The following PCNX2 variants were observed in gnomAD, a reference collection of about 807,000 sequenced individuals.
The protein encoded by PCNX2 is pecanex-like protein 2.
PCNX2 carries 168 observed loss-of-function variants against 223.8 expected under a neutral mutation model. The ratio of observed to expected loss-of-function variants is 0.75; its 90% confidence interval spans 0.66 to 0.85. The LOEUF is 0.85. Ranked by LOEUF, PCNX2 falls within the 40% of genes least tolerant of loss-of-function variation. The pLI is 0.00. For synonymous variants in PCNX2, 1,006 were observed against 1,052.6 expected, an observed-to-expected ratio of 0.96 and a Z score of 0.86; for missense variants, 2,507 against 2,675.5, an observed-to-expected ratio of 0.94 and a Z score of 1.39.
At chr1:233,300,200 T>C (rs1294343), upstream of PCNX2, among the ~76,000 whole-genome samples, 100,310 of 152,016 alleles carry the variant, frequency 0.66, 33,385 homozygotes, top group East Asian at 0.73. Context: ...ATTGAGCCTT[T>C]CCATAATGAA....
At chr1:233,307,737 A>G in the PCNX2 span, among the ~76,000 whole-genome samples, 1 of 152,220 alleles carries the variant, frequency 6.6e-6, no homozygotes, top group Non-Finnish European at 1.5e-5. Flanking sequence ...GGAAGGTGCT[A>G]TAATCATTCC....
intron 9 of PCNX2, among the ~76,000 whole-genome samples, chr1:233,236,297 C>T (rs1658410729): frequency 6.6e-6 from 1 of 151,892 alleles, no homozygotes; most frequent in Non-Finnish European, 1.5e-5. Context: ...GCTCTGCCTC[C>T]CAAGAGTCTC....
Position 232,984,258 on chromosome 1 carries a change from G to A in PCNX2, c.*46C>T. 6.6e-7 allele frequency: 1 copy of A among 1,521,348 alleles called. No individual in the cohort carries two copies. Among genetic ancestry groups the A allele is most frequent in the Non-Finnish European group, 8.8e-7 (1 of 1,133,448 alleles). 94.2% of individuals were successfully genotyped at this position (1,521,348 alleles called of 1,614,324 possible). A position where few individuals can be genotyped will look rare whatever the true frequency, so the allele number is the denominator to read the frequency against. ...GGGAGCACGAGGGAGAGCAATGCAGGTGGGAGGTGTGGGGGAGCCAGCCTC... is the reference window on the plus strand; with the variant it reads ...GGGAGCACGAGGGAGAGCAATGCAGATGGGAGGTGTGGGGGAGCCAGCCTC... On this transcript the variant is annotated 3_prime_UTR_variant, in exon 34 of 34. Coordinates refer to ENST00000258229, the MANE Select transcript of PCNX2 (RefSeq NM_014801.4).
At chr1:233,299,103 T>C (rs1294345), upstream of PCNX2, among the ~76,000 whole-genome samples, 99,617 of 151,336 alleles carry the variant, frequency 0.66, 33,052 homozygotes, top group East Asian at 0.73. Context: ...CTGTCTTCTC[T>C]CTTACTGCAA....
chr1:233,191,272 G>A (rs1019542354), intron 15 of PCNX2, among the ~76,000 whole-genome samples: 11 of 152,146 alleles, frequency 7.2e-5, no homozygotes, highest in African/African-American at 2.7e-4. Flanking sequence ...ACCCAGCAGA[G>A]CTATTGCTGA....
chr1:233,256,141 T>C (rs1659721641), intron 5 of PCNX2, among the ~76,000 whole-genome samples: 1 of 152,160 alleles, frequency 6.6e-6, no homozygotes, highest in Non-Finnish European at 1.5e-5. Flanking sequence ...ACAACCTCAA[T>C]TTCCAGTTTA....
At chr1:233,101,339 C>T (rs1028726744) in intron 21 of PCNX2, among the ~76,000 whole-genome samples, 1 of 152,156 alleles carries the variant, frequency 6.6e-6, no homozygotes, top group African/African-American at 2.4e-5. Context: ...AAGTTGTTAA[C>T]AGAAAATATG....
chr1:233,046,611 A>C (rs1186165537), intron 25 of PCNX2, among the ~76,000 whole-genome samples: 1 of 152,192 alleles, frequency 6.6e-6, no homozygotes, highest in East Asian at 1.9e-4. Flanking sequence ...TATGGTGCCA[A>C]AGTGACCCTT....
intron 25 of PCNX2, chr1:233,033,075 G>T (rs1572031353): frequency 4.1e-6 from 4 of 985,422 alleles, no homozygotes; most frequent in Non-Finnish European, 1.2e-6. Context: ...CGCCCACACA[G>T]TGTGACCTTT....
chr1:233,269,030 G>T (rs1162239983), intron 1 of PCNX2, among the ~76,000 whole-genome samples: 1 of 152,196 alleles, frequency 6.6e-6, no homozygotes, highest in African/African-American at 2.4e-5. Flanking sequence ...TCACTCTGGG[G>T]TCCACAGTGA....
chr1:233,194,742 G>A (rs1431376280), intron 15 of PCNX2, among the ~76,000 whole-genome samples: 2 of 151,928 alleles, frequency 1.3e-5, no homozygotes, highest in African/African-American at 4.8e-5. Flanking sequence ...TTAGGCTGGG[G>A]GCGGTGGCTC....
chr1:233,201,558 A>C (rs45626637), intron 13 of PCNX2: 20,117 of 152,254 alleles, frequency 0.13, 1,468 homozygotes, highest in East Asian at 0.22. Flanking sequence ...GCTTCTCTTT[A>C]CTTTGGGGTC....
At chr1:233,136,810 C>G (rs1338619797) in intron 20 of PCNX2, among the ~76,000 whole-genome samples, 2 of 152,108 alleles carry the variant, frequency 1.3e-5, no homozygotes, top group East Asian at 3.9e-4. Flanking sequence ...GTGGAGAAAC[C>G]CCAATGATAA....
intron 21 of PCNX2, chr1:233,112,852 G>C: frequency 3.1e-6 from 4 of 1,283,272 alleles, no homozygotes; most frequent in Non-Finnish European, 2.0e-6. Context: ...TACTTTGAAG[G>C]CTGAAGGGCA....
intron 21 of PCNX2, among the ~76,000 whole-genome samples, chr1:233,123,582 C>CAA (rs5781727): frequency 8.7e-5 from 12 of 137,374 alleles, no homozygotes; most frequent in South Asian, 4.6e-4. Flanking sequence ...GACTCTGTCT[C>CAA]AAAAAAAAAA....
intron 1 of PCNX2, among the ~76,000 whole-genome samples, chr1:233,294,456 T>A (rs1262107182): frequency 6.6e-6 from 1 of 152,124 alleles, no homozygotes; most frequent in Non-Finnish European, 1.5e-5. Flanking sequence ...CAATCACAAA[T>A]GTCAAACTCG....
intron 27 of PCNX2, among the ~76,000 whole-genome samples, chr1:233,016,552 C>T (rs1670670058): frequency 6.6e-6 from 1 of 152,128 alleles, no homozygotes; most frequent in African/African-American, 2.4e-5. Flanking sequence ...ATTTTCATGT[C>T]CATGATTCAA....
intron 15 of PCNX2, 43 bp from the exon 16 acceptor site, chr1:233,179,218 G>C (rs1304276396): frequency 2.5e-6 from 4 of 1,579,712 alleles, no homozygotes; most frequent in Non-Finnish European, 3.5e-6. Context: ...CCACAGCTGT[G>C]TGAATAGCAG....
intron 23 of PCNX2, among the ~76,000 whole-genome samples, chr1:233,059,918 T>C (rs1307885131): frequency 1.3e-5 from 2 of 152,126 alleles, no homozygotes; most frequent in Non-Finnish European, 2.9e-5. Flanking sequence ...TAAAAACAGA[T>C]AAAAAGATAT....
Sources: gnomAD v4.1 joint callset for allele counts (sites outside exome capture counted in the v4.1 genomes callset) on GRCh38, gnomAD v4.1.1 for gene constraint, MANE v1.5 for transcripts, NCBI Gene and HGNC (gene_info 2026-07-23, HGNC 2026-07-21) for gene names.